The following CCDC91 variants were observed in gnomAD, a reference collection of about 807,000 sequenced individuals.
CCDC91 encodes the protein coiled-coil domain-containing protein 91.
CCDC91 carries 48 observed loss-of-function variants against 63.2 expected under a neutral mutation model. The observed-to-expected ratio is 0.76, with a 90% CI of 0.60 to 0.97. The LOEUF (loss-of-function observed/expected upper bound fraction) is 0.97, where lower values mean the gene tolerates loss of function less well. CCDC91 is among the 50% of genes least tolerant of loss of function. The pLI, the probability that CCDC91 is intolerant of heterozygous loss-of-function variation, is 0.00. For synonymous variants in CCDC91, 167 were observed against 165.8 expected, an observed-to-expected ratio of 1.01 and a Z score of -0.06; for missense variants, 500 against 494.6, an observed-to-expected ratio of 1.01 and a Z score of -0.10.
chr12:28,278,818 C>CTGTTG (rs1246404246), intron 3 of CCDC91, among the ~76,000 whole-genome samples: 1 of 151,958 alleles, frequency 6.6e-6, no homozygotes, highest in Non-Finnish European at 1.5e-5. Flanking sequence ...AGCTATGTAA[C>CTGTTG]CTTGGTCAAC....
intron 1 of CCDC91, chr12:28,199,010 C>T (rs1444232274): frequency 6.6e-6 from 1 of 151,678 alleles, no homozygotes; most frequent in East Asian, 1.9e-4. Context: ...AGCTCCTTGG[C>T]TCAAGTGATT....
At chr12:28,470,992 T>C (rs1285758635) in intron 11 of CCDC91, among the ~76,000 whole-genome samples, 2 of 152,004 alleles carry the variant, frequency 1.3e-5, no homozygotes, top group African/African-American at 4.8e-5. Flanking sequence ...ATCAGAAAAT[T>C]AGACAATCAA....
intron 7 of CCDC91, among the ~76,000 whole-genome samples, chr12:28,371,732 G>A (rs1194797862): frequency 1.3e-5 from 2 of 152,146 alleles, no homozygotes; most frequent in Non-Finnish European, 2.9e-5. Context: ...GAAATCCATG[G>A]ATATGGAGGG....
intron 8 of CCDC91, among the ~76,000 whole-genome samples, chr12:28,433,430 G>A (rs1467419787): frequency 2.0e-5 from 3 of 151,850 alleles, no homozygotes; most frequent in East Asian, 1.9e-4. Flanking sequence ...AGTTTTTTGC[G>A]TGTGGATGTT....
chr12:28,308,970 C>T (rs1421190621), intron 6 of CCDC91, among the ~76,000 whole-genome samples: 4 of 151,860 alleles, frequency 2.6e-5, no homozygotes, highest in Non-Finnish European at 4.4e-5. Context: ...TTCCAATATA[C>T]ATTTTCAAGC....
At chr12:28,533,790 G>T (rs747136003) in intron 12 of CCDC91, among the ~76,000 whole-genome samples, 1 of 150,326 alleles carries the variant, frequency 6.7e-6, no homozygotes, top group Non-Finnish European at 1.5e-5. Flanking sequence ...TTTAAATGTC[G>T]TTTTGCTGCA....
At chr12:28,486,486 A>G (rs569538554) in intron 12 of CCDC91, among the ~76,000 whole-genome samples, 2 of 152,308 alleles carry the variant, frequency 1.3e-5, no homozygotes, top group South Asian at 4.1e-4. Context: ...ATAACAAAGC[A>G]AACTCATTCA....
At chr12:28,427,171 A>T (rs1444709167) in intron 8 of CCDC91, among the ~76,000 whole-genome samples, 4 of 152,134 alleles carry the variant, frequency 2.6e-5, no homozygotes, top group Admixed American at 6.6e-5. Flanking sequence ...TTAAATCTCA[A>T]TGAGCCTGTG....
chr12:28,386,417 G>A (rs1442012355), intron 7 of CCDC91, among the ~76,000 whole-genome samples: 1 of 152,044 alleles, frequency 6.6e-6, no homozygotes, highest in Non-Finnish European at 1.5e-5. Flanking sequence ...CGCCCAGGCT[G>A]GAGTGCAGTG....
intron 11 of CCDC91, among the ~76,000 whole-genome samples, chr12:28,478,768 G>A (rs1223307412): frequency 3.3e-5 from 5 of 151,698 alleles, no homozygotes; most frequent in African/African-American, 4.8e-5. Flanking sequence ...ATTTACAAGA[G>A]AAAATCAAAC....
chr12:28,461,098 A>G (rs1484280300), intron 11 of CCDC91, among the ~76,000 whole-genome samples: 3 of 151,984 alleles, frequency 2.0e-5, no homozygotes, highest in Non-Finnish European at 4.4e-5. Flanking sequence ...ACACAATGGT[A>G]AGTGTGTATC....
At chr12:28,427,395 A>G (rs1339917925) in intron 8 of CCDC91, among the ~76,000 whole-genome samples, 8 of 152,116 alleles carry the variant, frequency 5.3e-5, no homozygotes, top group Non-Finnish European at 1.2e-4. Context: ...CGCCAGAACC[A>G]TGAGAAGAGC....
At chr12:28,193,565 C>T (rs1437055254) in intron 1 of CCDC91, among the ~76,000 whole-genome samples, 2 of 151,078 alleles carry the variant, frequency 1.3e-5, no homozygotes, top group Non-Finnish European at 2.9e-5. Context: ...CGTGCCACTG[C>T]ACTCCAGACT....
intron 12 of CCDC91, among the ~76,000 whole-genome samples, chr12:28,526,815 CTTTGTCT>C (rs1208821027): frequency 6.6e-6 from 1 of 151,722 alleles, no homozygotes; most frequent in African/African-American, 2.4e-5. Context: ...ATTCTTTTTT[CTTTGTCT>C]TTGTTGGATT....
At chr12:28,357,490 C>T (rs1207786333) in intron 6 of CCDC91, among the ~76,000 whole-genome samples, 1 of 152,082 alleles carries the variant, frequency 6.6e-6, no homozygotes, top group African/African-American at 2.4e-5. Flanking sequence ...GTCTTTGCTT[C>T]ACCAGAATGT....
intron 3 of CCDC91, among the ~76,000 whole-genome samples, chr12:28,279,368 C>T: frequency 6.6e-6 from 1 of 152,082 alleles, no homozygotes; most frequent in Non-Finnish European, 1.5e-5. Flanking sequence ...AGAAGTCATG[C>T]ACGTATAAGT....
intron 3 of CCDC91, among the ~76,000 whole-genome samples, chr12:28,292,825 A>T (rs547245478): frequency 6.6e-6 from 1 of 152,278 alleles, no homozygotes; most frequent in South Asian, 2.1e-4. Context: ...CAAACTGTAG[A>T]TGTACACTTG....
intron 8 of CCDC91, among the ~76,000 whole-genome samples, chr12:28,418,794 C>G (rs1307417837): frequency 6.6e-6 from 1 of 152,084 alleles, no homozygotes; most frequent in Non-Finnish European, 1.5e-5. Context: ...TTATATGCAG[C>G]CACATTTAGA....
intron 6 of CCDC91, among the ~76,000 whole-genome samples, chr12:28,331,330 G>A (rs1941490938): frequency 6.6e-6 from 1 of 152,166 alleles, no homozygotes; most frequent in Non-Finnish European, 1.5e-5. Flanking sequence ...GGTATTTGCA[G>A]CCAGCACAGC....
Sources: allele counts gnomAD v4.1 joint callset (sites outside exome capture counted in the v4.1 genomes callset), GRCh38; gene constraint gnomAD v4.1.1; transcripts MANE v1.5; gene names NCBI Gene and HGNC (gene_info 2026-07-23, HGNC 2026-07-21).